Variants in WWOX observed in about 807,000 individuals in gnomAD.
WWOX encodes the protein WW domain-containing oxidoreductase.
In WWOX, 69 loss-of-function variants were observed where a neutral mutation model predicts 46.2. The ratio of observed to expected loss-of-function variants is 1.49; its 90% CI spans 1.23 to 1.82. The LOEUF is 1.82. Among genes scored for constraint, WWOX ranks in the 40% most tolerant of loss-of-function variants. WWOX has a pLI of 0.00. For synonymous variants in WWOX, 359 were observed against 202.6 expected, an observed-to-expected ratio of 1.77 and a Z score of -6.56; for missense variants, 919 against 542.6, an observed-to-expected ratio of 1.69 and a Z score of -6.89.
chr16:78,377,600 C>T (rs2081860806), intron 5 of WWOX, among the ~76,000 whole-genome samples: 1 of 152,202 alleles, frequency 6.6e-6, no homozygotes, highest in Non-Finnish European at 1.5e-5. Context: ...CTGCCAACCT[C>T]CTGTGTCATT....
chr16:78,847,371 C>A (rs1331971054), intron 8 of WWOX, among the ~76,000 whole-genome samples: 2 of 152,072 alleles, frequency 1.3e-5, no homozygotes, highest in Admixed American at 6.6e-5. Flanking sequence ...TGGACACATT[C>A]CATTATTTGT....
At chr16:78,336,500 T>C (rs1194131113) in intron 5 of WWOX, among the ~76,000 whole-genome samples, 5 of 105,362 alleles carry the variant, frequency 4.7e-5, no homozygotes, top group Non-Finnish European at 3.5e-5. Flanking sequence ...AGAGAGACTA[T>C]GTCTCAAAAA....
intron 8 of WWOX, among the ~76,000 whole-genome samples, chr16:78,998,669 A>G (rs973786425): frequency 6.6e-6 from 1 of 152,232 alleles, no homozygotes; most frequent in Non-Finnish European, 1.5e-5. Flanking sequence ...AGCGGCTAGC[A>G]CAGTGCTCAG....
chr16:78,529,264 C>A (rs72803911), intron 8 of WWOX, among the ~76,000 whole-genome samples: 2 of 151,994 alleles, frequency 1.3e-5, no homozygotes, highest in African/African-American at 4.8e-5. Flanking sequence ...CAAGAACTTT[C>A]TATTATATAG....
At chr16:78,610,173 A>G (rs2045866454) in intron 8 of WWOX, among the ~76,000 whole-genome samples, 5 of 152,196 alleles carry the variant, frequency 3.3e-5, no homozygotes. Context: ...GATTCGCTTG[A>G]TATACCTTCC....
At chr16:78,413,143 A>G (rs1388449676) in intron 6 of WWOX, among the ~76,000 whole-genome samples, 2 of 152,204 alleles carry the variant, frequency 1.3e-5, no homozygotes, top group Non-Finnish European at 2.9e-5. Context: ...TTTAATCCAC[A>G]CAGAGCCAGC....
chr16:79,093,925 A>C (rs72795691), intron 8 of WWOX, among the ~76,000 whole-genome samples: 13,990 of 152,236 alleles, frequency 0.092, 823 homozygotes, highest in Non-Finnish European at 0.12. Flanking sequence ...CAAGAGAGAA[A>C]GGGGAGGAAG....
chr16:78,752,511 C>G (rs2049509889), intron 8 of WWOX, among the ~76,000 whole-genome samples: 1 of 152,200 alleles, frequency 6.6e-6, no homozygotes, highest in Admixed American at 6.5e-5. Flanking sequence ...TAGTTTCTAA[C>G]TCCTGACCTC....
chr16:78,847,125 G>T (rs1437248778), intron 8 of WWOX, among the ~76,000 whole-genome samples: 1 of 152,152 alleles, frequency 6.6e-6, no homozygotes, highest in Non-Finnish European at 1.5e-5. Context: ...CCCTGCCTCA[G>T]TCTTGGAATT....
chr16:78,412,882 C>T (rs567963776), intron 6 of WWOX, among the ~76,000 whole-genome samples: 2 of 152,298 alleles, frequency 1.3e-5, no homozygotes, highest in African/African-American at 4.8e-5. Context: ...ACGAGTGCAA[C>T]CTGCCTAGGT....
At chr16:78,500,946 C>A (rs956735709) in intron 8 of WWOX, among the ~76,000 whole-genome samples, 1 of 152,108 alleles carries the variant, frequency 6.6e-6, no homozygotes, top group Non-Finnish European at 1.5e-5. Flanking sequence ...ATGCAGGTAC[C>A]ACGCTTAGGT....
intron 6 of WWOX, among the ~76,000 whole-genome samples, chr16:78,413,397 A>G (rs1567557614): frequency 6.6e-6 from 1 of 152,192 alleles, no homozygotes; most frequent in South Asian, 2.1e-4. Flanking sequence ...TGGGATTGTC[A>G]TTAGTTCTTA....
chr16:78,965,363 G>T (rs1422891521), intron 8 of WWOX, among the ~76,000 whole-genome samples: 1 of 152,034 alleles, frequency 6.6e-6, no homozygotes, highest in Non-Finnish European at 1.5e-5. Flanking sequence ...GAGGTTAGGA[G>T]TTCGAGACTA....
At chr16:78,819,751 G>T (rs1189894450) in intron 8 of WWOX, among the ~76,000 whole-genome samples, 1 of 152,198 alleles carries the variant, frequency 6.6e-6, no homozygotes, top group East Asian at 1.9e-4. Flanking sequence ...TGCATCACCA[G>T]CACAGTGGAA....
At chr16:78,908,771 C>T (rs901535936) in intron 8 of WWOX, among the ~76,000 whole-genome samples, 1 of 152,020 alleles carries the variant, frequency 6.6e-6, no homozygotes, top group Non-Finnish European at 1.5e-5. Context: ...AGCCACAAGA[C>T]CATATGAGTC....
At chr16:78,575,517 A>C (rs1308047869) in intron 8 of WWOX, among the ~76,000 whole-genome samples, 2 of 151,988 alleles carry the variant, frequency 1.3e-5, no homozygotes, top group African/African-American at 4.8e-5. Flanking sequence ...GTCTGATTTC[A>C]CCCCATCCTA....
chr16:78,891,609 C>T (rs897159132), intron 8 of WWOX: 6 of 152,162 alleles, frequency 3.9e-5, no homozygotes, highest in African/African-American at 1.4e-4. Flanking sequence ...TGTGAGAACA[C>T]CTTCAGTTAC....
intron 8 of WWOX, among the ~76,000 whole-genome samples, chr16:79,055,307 A>T (rs897224826): frequency 1.3e-5 from 2 of 152,220 alleles, no homozygotes; most frequent in African/African-American, 4.8e-5. Flanking sequence ...GATGAATATC[A>T]ATTCTTTTCT....
chr16:78,711,762 G>A (rs2048449091), intron 8 of WWOX, among the ~76,000 whole-genome samples: 1 of 152,136 alleles, frequency 6.6e-6, no homozygotes, highest in Non-Finnish European at 1.5e-5. Flanking sequence ...GTATTGACCA[G>A]TGTTAAAGAG....
Sources: allele counts gnomAD v4.1 joint callset (sites outside exome capture counted in the v4.1 genomes callset), GRCh38; gene constraint gnomAD v4.1.1; transcripts MANE v1.5; gene names NCBI Gene and HGNC (gene_info 2026-07-23, HGNC 2026-07-21).